Variants in FER observed in about 807,000 individuals in gnomAD.
FER encodes the protein FER tyrosine kinase.
A neutral mutation model predicts 111.0 loss-of-function variants in FER; 63 were observed. The observed-to-expected ratio is 0.57, with a 90% CI of 0.46 to 0.70. The LOEUF is 0.70. Ranked by LOEUF, FER falls within the 30% of genes least tolerant of loss-of-function variation. The probability of loss-of-function intolerance (pLI) is 0.00; values close to 1 mark genes in which losing one functional copy is unlikely to be tolerated. For synonymous variants in FER, 327 were observed against 313.9 expected, an observed-to-expected ratio of 1.04 and a Z score of -0.44; for missense variants, 914 against 954.0, an observed-to-expected ratio of 0.96 and a Z score of 0.55.
intron 10 of FER, among the ~76,000 whole-genome samples, chr5:108,929,708 G>A (rs1234428975): frequency 1.3e-5 from 2 of 151,862 alleles, no homozygotes; most frequent in East Asian, 1.9e-4. Flanking sequence ...AGAATAAGAG[G>A]GCCTGTTGAT....
chr5:109,110,810 A>G (rs1050795435), intron 17 of FER, among the ~76,000 whole-genome samples: 50 of 152,122 alleles, frequency 3.3e-4, no homozygotes, highest in African/African-American at 9.7e-4. Context: ...TAACAATTTT[A>G]ACGTATTACT....
At position 108,798,334 on chromosome 5, in the gene FER, A is replaced by G. The variant is rs540351672; in HGVS notation, c.152A>G (p.Asn51Ser). 19 of 1,614,034 alleles carry G rather than the reference A, an allele frequency of 1.2e-5. 1 individual carries two copies. In the South Asian group the frequency reaches 1.8e-4, roughly 15 times the overall value. Reference protein sequence around the residue: ...EYASTLQNLCNQVDKESTVQM... With the variant: ...EYASTLQNLCSQVDKESTVQM... ...GCATCTACTTTACAGAACCTTTGTA[A>G]TCAAGTTGATAAGGAAAGTACTGTC... Residue 51 changes from asparagine (N) to serine (S), a missense_variant, in exon 3 of 20, where the codon AAT becomes AGT. Transcript: ENST00000281092.
intron 10 of FER, among the ~76,000 whole-genome samples, chr5:108,899,087 CAA>C (rs762675202): frequency 7.3e-4 from 36 of 49,298 alleles, no homozygotes; most frequent in Admixed American, 6.5e-4. Flanking sequence ...GTCTCCATAG[CAA>C]AAAAAAAAAA....
intron 5 of FER, among the ~76,000 whole-genome samples, chr5:108,840,017 A>G (rs1434766322): frequency 6.6e-6 from 1 of 152,210 alleles, no homozygotes; most frequent in East Asian, 1.9e-4. Context: ...TTAAAAAAAA[A>G]TTAAAACAAA....
intron 13 of FER, among the ~76,000 whole-genome samples, chr5:108,984,562 A>C (rs1001066948): frequency 2.0e-5 from 3 of 148,256 alleles, no homozygotes; most frequent in Non-Finnish European, 3.0e-5. Flanking sequence ...ATGCCACGAT[A>C]GTTTTTTTTT....
intron 3 of FER, among the ~76,000 whole-genome samples, chr5:108,802,826 A>T (rs988027395): frequency 6.6e-6 from 1 of 152,126 alleles, no homozygotes; most frequent in Admixed American, 6.5e-5. Flanking sequence ...TCTGTTTGGT[A>T]GAACTATTTA....
chr5:108,942,434 A>G (rs1221293799), intron 10 of FER, among the ~76,000 whole-genome samples: 2 of 152,096 alleles, frequency 1.3e-5, no homozygotes, highest in Non-Finnish European at 2.9e-5. Flanking sequence ...TGATTTAGCA[A>G]GGGGGTTTTC....
chr5:109,153,475 G>A (rs553445423), intron 17 of FER, among the ~76,000 whole-genome samples: 3 of 151,824 alleles, frequency 2.0e-5, no homozygotes, highest in South Asian at 2.1e-4. Flanking sequence ...TTGACTTAAC[G>A]GTTGTATTTT....
chr5:109,135,409 G>T (rs2126600492), intron 17 of FER, among the ~76,000 whole-genome samples: 1 of 152,340 alleles, frequency 6.6e-6, no homozygotes, highest in Non-Finnish European at 1.5e-5. Context: ...AACCCAGGCA[G>T]TCTGGCTCCA....
At chr5:108,884,836 A>T (rs552025175) in intron 9 of FER, among the ~76,000 whole-genome samples, 1 of 152,000 alleles carries the variant, frequency 6.6e-6, no homozygotes, top group Non-Finnish European at 1.5e-5. Flanking sequence ...CCCTATCGCT[A>T]TGGAAATGGG....
rs1446790956 is a variant in FER, at chr5:108,798,345, A to G, written c.163A>G (p.Lys55Glu). Residue 55 changes from lysine (K) to glutamate (E), a missense_variant, in exon 3 of 20, where the codon AAG (lysine) becomes GAG (glutamate). Physicochemically the swap from Lys to Glu is moderately conservative, Grantham distance 56 (BLOSUM62 1). Transcript: ENST00000281092. ...ACAGAACCTTTGTAATCAAGTTGAT[A>G]AGGAAAGTACTGTCCAAATGAATTA... ...TLQNLCNQVD[K>E]ESTVQMNYVS... 1 of 1,613,936 alleles carries G rather than the reference A, an allele frequency of 6.2e-7. No individual in the cohort carries two copies. The highest frequency in any genetic ancestry group is 1.7e-5 in the Admixed American group (1 of 60,028).
At chr5:108,995,084 T>C (rs968341325) in intron 13 of FER, among the ~76,000 whole-genome samples, 2 of 152,138 alleles carry the variant, frequency 1.3e-5, no homozygotes, top group African/African-American at 4.8e-5. Context: ...CCTCTCTTCC[T>C]ATTTGTATAC....
chr5:108,873,804 G>T (rs1053749172), intron 8 of FER, among the ~76,000 whole-genome samples: 2 of 152,132 alleles, frequency 1.3e-5, no homozygotes, highest in African/African-American at 4.8e-5. Context: ...GCTGCTAAAC[G>T]TCCTACAGTG....
chr5:109,095,793 G>A (rs558893578), intron 16 of FER, among the ~76,000 whole-genome samples: 5 of 152,148 alleles, frequency 3.3e-5, no homozygotes, highest in African/African-American at 7.2e-5. Context: ...CCCCAAAATA[G>A]TTCTCTATGA....
At position 109,052,509 on chromosome 5, in the gene FER, A is replaced by G. The variant is rs139353910; in HGVS notation, c.1924+5311A>G. The G allele has an allele frequency of 1.4e-3, 1,087 of 791,384 alleles. 19 individuals carry two copies. The Admixed American group carries it at 0.02, about 15-fold the overall frequency. The allele number at this position is 791,384 out of a possible 1,614,324, so 49.0% of individuals were successfully genotyped here. A position where few individuals can be genotyped will look rare whatever the true frequency, so the allele number is the denominator to read the frequency against. ...AAAAGAAGTGAAGTCACGCCAGGTGATTGAACTCCTTGGAGGATGAAGTAA... is the reference window on the plus strand; with the variant it reads ...AAAAGAAGTGAAGTCACGCCAGGTGGTTGAACTCCTTGGAGGATGAAGTAA... On this transcript the variant is annotated intron_variant, in intron 16 of 19. Coordinates refer to ENST00000281092, the MANE Select transcript of FER (RefSeq NM_005246.4).
At chr5:109,049,672 T>A (rs929177413) in intron 16 of FER, among the ~76,000 whole-genome samples, 2 of 152,198 alleles carry the variant, frequency 1.3e-5, no homozygotes, top group African/African-American at 4.8e-5. Context: ...AAGCTGAACA[T>A]GACCATAGTT....
At chr5:108,828,327 A>C (rs1759686957) in intron 3 of FER, among the ~76,000 whole-genome samples, 1 of 152,232 alleles carries the variant, frequency 6.6e-6, no homozygotes, top group South Asian at 2.1e-4. Flanking sequence ...TTAGAAACTC[A>C]AGAATTATAA....
In FER at chr5:108,870,358, T is replaced by A. The variant is rs1764486378; in HGVS notation, c.666-1007T>A. Among the ~76,000 whole-genome samples the A allele has an allele frequency of 2.0e-5, 3 of 152,232 alleles. No homozygotes were observed. The South Asian group carries it at 6.2e-4, about 32-fold the overall frequency. ...ATTTACTGTATTGCTTTAAAAGAGT[T>A]ATTTAGATAGGCTCATTTACATTAG... On this transcript the variant is annotated intron_variant, in intron 6 of 19. Coordinates refer to ENST00000281092, the MANE Select transcript of FER (RefSeq NM_005246.4).
chr5:109,186,403 G>A (rs539382212), intron 19 of FER, 81 bp downstream of exon 19: 2 of 1,602,804 alleles, frequency 1.2e-6, no homozygotes, highest in South Asian at 1.1e-5. Flanking sequence ...GCTTGAGGAG[G>A]GGTGTGTTAA....
Sources: allele counts gnomAD v4.1 joint callset (sites outside exome capture counted in the v4.1 genomes callset), GRCh38; gene constraint gnomAD v4.1.1; transcripts MANE v1.5; gene names NCBI Gene and HGNC (gene_info 2026-07-23, HGNC 2026-07-21).